Variants in PPARGC1A observed in about 807,000 individuals in gnomAD.
PPARGC1A encodes the protein PPARG coactivator 1 alpha.
PPARGC1A carries 25 observed loss-of-function variants against 88.7 expected under a neutral mutation model. That is an observed-to-expected ratio of 0.28 (90% CI 0.21 to 0.39). The LOEUF (loss-of-function observed/expected upper bound fraction) is 0.39. Among genes scored for constraint, PPARGC1A ranks in the 10% least tolerant of loss-of-function variants. The pLI is 1.00. For synonymous variants in PPARGC1A, 363 were observed against 355.6 expected (o/e 1.02, Z -0.24); for missense variants, 880 against 968.7 (o/e 0.91, Z 1.22).
At chr4:24,369,698 A>G in the PPARGC1A span, among the ~76,000 whole-genome samples, 2 of 152,240 alleles carry the variant, frequency 1.3e-5, no homozygotes, top group African/African-American at 2.4e-5. Context: ...AGCTGTAGCT[A>G]TAAATGCAGC....
the PPARGC1A span, among the ~76,000 whole-genome samples, chr4:24,052,995 C>T: frequency 6.7e-6 from 1 of 148,956 alleles, no homozygotes; most frequent in South Asian, 2.2e-4. Flanking sequence ...TCCGGAGTAG[C>T]TGGGACTACA....
At chr4:23,974,058 A>G in the PPARGC1A span, among the ~76,000 whole-genome samples, 37 of 152,196 alleles carry the variant, frequency 2.4e-4, no homozygotes, top group Non-Finnish European at 5.3e-4. Flanking sequence ...TGGCATACCA[A>G]GATGGAAAAG....
the PPARGC1A span, among the ~76,000 whole-genome samples, chr4:24,400,838 A>G: frequency 6.6e-6 from 1 of 152,140 alleles, no homozygotes; most frequent in Admixed American, 6.5e-5. Flanking sequence ...GCACCTATGT[A>G]AAATGTGAGG....
chr4:24,009,262 G>A, the PPARGC1A span, among the ~76,000 whole-genome samples: 5 of 151,664 alleles, frequency 3.3e-5, no homozygotes, highest in Admixed American at 6.6e-5. Context: ...GCGATCTTAC[G>A]TTAATAAGCT....
chr4:23,840,613 T>A (rs958370697), intron 2 of PPARGC1A, among the ~76,000 whole-genome samples: 4 of 152,102 alleles, frequency 2.6e-5, no homozygotes, highest in African/African-American at 9.7e-5. Flanking sequence ...ACTCAACATA[T>A]GTTTTAGTGA....
chr4:24,024,807 T>C, the PPARGC1A span, among the ~76,000 whole-genome samples: 1 of 152,326 alleles, frequency 6.6e-6, no homozygotes, highest in Non-Finnish European at 1.5e-5. Context: ...CATTGCCAAA[T>C]AGCTGCTGTG....
chr4:24,352,127 C>T, the PPARGC1A span, among the ~76,000 whole-genome samples: 1 of 152,064 alleles, frequency 6.6e-6, no homozygotes, highest in African/African-American at 2.4e-5. Flanking sequence ...TACAGAGCCA[C>T]CCGGGAGTGG....
intron 3 of PPARGC1A, among the ~76,000 whole-genome samples, chr4:23,830,169 T>A (rs1182102972): frequency 6.6e-6 from 1 of 152,192 alleles, no homozygotes; most frequent in Non-Finnish European, 1.5e-5. Flanking sequence ...GAACCGTGTT[T>A]CATAACCTGG....
At chr4:24,147,654 A>C in the PPARGC1A span, among the ~76,000 whole-genome samples, 2 of 152,190 alleles carry the variant, frequency 1.3e-5, no homozygotes, top group African/African-American at 4.8e-5. Flanking sequence ...CTGAGAGGGC[A>C]TCTAGGAGCC....
chr4:24,000,132 G>A, the PPARGC1A span, among the ~76,000 whole-genome samples: 1 of 150,340 alleles, frequency 6.7e-6, no homozygotes, highest in East Asian at 2.0e-4. Context: ...ATATGTTTAA[G>A]TCTACCTGCA....
chr4:24,370,236 G>T, the PPARGC1A span, among the ~76,000 whole-genome samples: 2 of 151,514 alleles, frequency 1.3e-5, no homozygotes, highest in African/African-American at 4.9e-5. Flanking sequence ...AATTTCCAGA[G>T]GTTAAAAAAA....
At chr4:24,160,086 T>A in the PPARGC1A span, among the ~76,000 whole-genome samples, 1 of 152,182 alleles carries the variant, frequency 6.6e-6, no homozygotes, top group Non-Finnish European at 1.5e-5. Flanking sequence ...TCTGACAGTC[T>A]CAAACTCAAA....
upstream of PPARGC1A, among the ~76,000 whole-genome samples, chr4:23,907,345 C>A (rs1560547920): frequency 6.6e-6 from 1 of 152,184 alleles, no homozygotes; most frequent in Non-Finnish European, 1.5e-5. Context: ...TATTTTTTAA[C>A]AACTAACTTT....
chr4:23,894,303 G>T (rs1718258075), upstream of PPARGC1A, among the ~76,000 whole-genome samples: 1 of 151,986 alleles, frequency 6.6e-6, no homozygotes, highest in Non-Finnish European at 1.5e-5. Flanking sequence ...TTCCTAGAGG[G>T]ACTAATTGAT....
chr4:24,437,594 T>TTTG, the PPARGC1A span, among the ~76,000 whole-genome samples: 19,998 of 143,732 alleles, frequency 0.14, 1,396 homozygotes, highest in South Asian at 0.2. Flanking sequence ...GCACAGGTTT[T>TTTG]TTGTTGTTGT....
At chr4:24,385,919 A>C in the PPARGC1A span, among the ~76,000 whole-genome samples, 15 of 152,160 alleles carry the variant, frequency 9.9e-5, no homozygotes, top group African/African-American at 3.6e-4. Context: ...TGACACCAAA[A>C]CCTGGCAGAG....
At chr4:24,018,319 T>A in the PPARGC1A span, among the ~76,000 whole-genome samples, 2 of 152,180 alleles carry the variant, frequency 1.3e-5, no homozygotes, top group Non-Finnish European at 2.9e-5. Flanking sequence ...TTAACAACAG[T>A]CAGTAAAAGT....
the PPARGC1A span, among the ~76,000 whole-genome samples, chr4:24,202,589 A>G: frequency 6.6e-6 from 1 of 152,196 alleles, no homozygotes; most frequent in Non-Finnish European, 1.5e-5. Flanking sequence ...AAACTTGAAT[A>G]TATCAAAGCA....
chr4:24,093,611 G>A, the PPARGC1A span, among the ~76,000 whole-genome samples: 1 of 152,168 alleles, frequency 6.6e-6, no homozygotes, highest in Non-Finnish European at 1.5e-5. Flanking sequence ...AGCCTCACCA[G>A]TCATATGGTT....
Sources: gnomAD v4.1 joint callset for allele counts (sites outside exome capture counted in the v4.1 genomes callset) on GRCh38, gnomAD v4.1.1 for gene constraint, MANE v1.5 for transcripts, NCBI Gene and HGNC (gene_info 2026-07-23, HGNC 2026-07-21) for gene names.